The following GPC5 variants were observed in gnomAD, a reference collection of about 807,000 sequenced individuals.
GPC5 encodes the protein glypican 5, also known as glypican-5.
A neutral mutation model predicts 53.9 loss-of-function variants in GPC5; 47 were observed. That is an observed-to-expected ratio of 0.87 (90% CI 0.69 to 1.11). The LOEUF (loss-of-function observed/expected upper bound fraction) is 1.11. Among genes scored for constraint, GPC5 ranks in the 50% most tolerant of loss-of-function variants. The pLI, the probability that GPC5 is intolerant of heterozygous loss-of-function variation, is 0.00. For missense variants in GPC5, 748 were observed against 713.1 expected (o/e 1.05, Z -0.56); for synonymous variants, 286 against 263.3 (o/e 1.09, Z -0.84).
chr13:92,569,258 G>T (rs2139038905), intron 7 of GPC5, among the ~76,000 whole-genome samples: 1 of 151,790 alleles, frequency 6.6e-6, no homozygotes, highest in South Asian at 2.1e-4. Flanking sequence ...CAGTTCATAT[G>T]CATTGTTTCA....
intron 7 of GPC5, among the ~76,000 whole-genome samples, chr13:92,459,381 A>G (rs1211070310): frequency 1.3e-5 from 2 of 152,194 alleles, no homozygotes; most frequent in African/African-American, 4.8e-5. Flanking sequence ...ACTGTTCCTC[A>G]TGATTACACT....
At chr13:92,003,077 A>G (rs561699089) in intron 6 of GPC5, among the ~76,000 whole-genome samples, 3 of 152,266 alleles carry the variant, frequency 2.0e-5, no homozygotes, top group African/African-American at 7.2e-5. Context: ...TTGGGAGGCC[A>G]AGGCGGGTGG....
chr13:92,223,008 A>G (rs938111647), intron 7 of GPC5, among the ~76,000 whole-genome samples: 7 of 152,202 alleles, frequency 4.6e-5, no homozygotes, highest in African/African-American at 1.7e-4. Flanking sequence ...GTATTTATAG[A>G]TTTTTTATGA....
chr13:92,315,529 T>C (rs1351055275), intron 7 of GPC5, among the ~76,000 whole-genome samples: 3 of 152,188 alleles, frequency 2.0e-5, no homozygotes, highest in African/African-American at 7.2e-5. Context: ...CTTTCCGAAG[T>C]CAGTTGGTTG....
At chr13:91,898,136 C>A (rs2039462646) in intron 5 of GPC5, among the ~76,000 whole-genome samples, 1 of 152,070 alleles carries the variant, frequency 6.6e-6, no homozygotes, top group East Asian at 1.9e-4. Context: ...ATTTAAAATA[C>A]CATCATGCAG....
At position 91,514,677 on chromosome 13, in the gene GPC5, T is replaced by C. The variant is rs191631180; in HGVS notation, c.325+65755T>C. On this transcript the variant is annotated intron_variant, in intron 2 of 7. Transcript: ENST00000377067. ...CCAATGTTAATATTTTAAAGAAAAG[T>C]CTTTCAAAATATGTACAATATTATA... Among the ~76,000 whole-genome samples, 139 of 152,262 alleles carry C rather than the reference T, an allele frequency of 9.1e-4. 1 individual carries two copies. The South Asian group carries it at 9.7e-3, about 11-fold the overall frequency.
intron 6 of GPC5, among the ~76,000 whole-genome samples, chr13:91,991,456 G>C (rs913405795): frequency 6.6e-6 from 1 of 152,020 alleles, no homozygotes; most frequent in African/African-American, 2.4e-5. Flanking sequence ...ATACTTACTA[G>C]TACTATCTTT....
At chr13:91,540,911 A>C (rs2029889926) in intron 2 of GPC5, among the ~76,000 whole-genome samples, 1 of 152,182 alleles carries the variant, frequency 6.6e-6, no homozygotes, top group Non-Finnish European at 1.5e-5. Flanking sequence ...AGTGGCCACA[A>C]CATTATACAT....
chr13:92,603,595 T>C (rs1465263268), intron 7 of GPC5, among the ~76,000 whole-genome samples: 1 of 152,170 alleles, frequency 6.6e-6, no homozygotes. Context: ...TCCAGGAATA[T>C]TATGGGCTGG....
intron 7 of GPC5, among the ~76,000 whole-genome samples, chr13:92,439,287 C>T (rs1877449661): frequency 2.0e-5 from 3 of 152,126 alleles, no homozygotes; most frequent in South Asian, 2.1e-4. Context: ...GAGTAGTCAA[C>T]ATTTTCAAAT....
At chr13:91,915,631 A>G (rs1335993623) in intron 6 of GPC5, among the ~76,000 whole-genome samples, 2 of 152,124 alleles carry the variant, frequency 1.3e-5, no homozygotes. Flanking sequence ...AAAATGTAAA[A>G]CTTTTATATT....
intron 7 of GPC5, among the ~76,000 whole-genome samples, chr13:92,838,512 A>C (rs1473537037): frequency 3.3e-5 from 5 of 151,876 alleles, no homozygotes; most frequent in Non-Finnish European, 2.9e-5. Flanking sequence ...AAAAAAAGAA[A>C]GTAAACCTAC....
At chr13:92,830,927 T>C (rs961452525) in intron 7 of GPC5, among the ~76,000 whole-genome samples, 2 of 152,118 alleles carry the variant, frequency 1.3e-5, no homozygotes, top group Non-Finnish European at 2.9e-5. Flanking sequence ...TATTTTTAAA[T>C]AATAGTTTTC....
intron 5 of GPC5, among the ~76,000 whole-genome samples, chr13:91,906,604 A>G (rs538084852): frequency 1.3e-5 from 2 of 152,254 alleles, no homozygotes; most frequent in South Asian, 4.1e-4. Flanking sequence ...CTGGTTAAGT[A>G]ATGAGCATTA....
At chr13:91,725,919 C>A (rs1352938303) in intron 3 of GPC5, among the ~76,000 whole-genome samples, 1 of 152,128 alleles carries the variant, frequency 6.6e-6, no homozygotes, top group Admixed American at 6.5e-5. Flanking sequence ...ATCGTGATTG[C>A]AGATTCTGTT....
At chr13:91,887,655 C>T (rs1487672645) in intron 5 of GPC5, among the ~76,000 whole-genome samples, 1 of 152,158 alleles carries the variant, frequency 6.6e-6, no homozygotes, top group African/African-American at 2.4e-5. Flanking sequence ...TTCAAATTTC[C>T]ATAGATCTCT....
At chr13:91,522,231 G>A (rs1000688213) in intron 2 of GPC5, among the ~76,000 whole-genome samples, 3 of 152,138 alleles carry the variant, frequency 2.0e-5, no homozygotes, top group African/African-American at 7.2e-5. Context: ...CACAGGTTGC[G>A]GGTGGGGCTG....
At chr13:92,376,430 G>A in intron 7 of GPC5, among the ~76,000 whole-genome samples, 1 of 152,162 alleles carries the variant, frequency 6.6e-6, no homozygotes, top group East Asian at 1.9e-4. Context: ...GATTTCAGCA[G>A]AAGCGAGAGA....
intron 7 of GPC5, among the ~76,000 whole-genome samples, chr13:92,804,117 T>A (rs1015441269): frequency 2.0e-5 from 3 of 152,006 alleles, no homozygotes; most frequent in African/African-American, 7.2e-5. Context: ...GTAGATTACT[T>A]ATATGAAGCA....
Sources: gnomAD v4.1 joint callset for allele counts (sites outside exome capture counted in the v4.1 genomes callset) on GRCh38, gnomAD v4.1.1 for gene constraint, MANE v1.5 for transcripts, NCBI Gene and HGNC (gene_info 2026-07-23, HGNC 2026-07-21) for gene names.